Variants in CPA6 observed in about 807,000 individuals in gnomAD.
CPA6 encodes the protein carboxypeptidase B.
CPA6 carries 58 observed loss-of-function variants against 63.3 expected under a neutral mutation model. The ratio of observed to expected loss-of-function variants is 0.92; its 90% CI spans 0.74 to 1.14. The LOEUF (loss-of-function observed/expected upper bound fraction) is 1.14. Ranked by LOEUF, CPA6 falls within the 50% of genes most tolerant of loss-of-function variation. CPA6 has a pLI of 0.00. For missense variants in CPA6, 565 were observed against 526.6 expected, an observed-to-expected ratio of 1.07 and a Z score of -0.71; for synonymous variants, 185 against 179.0, an observed-to-expected ratio of 1.03 and a Z score of -0.27.
At chr8:67,636,682 A>C (rs929947633) in intron 1 of CPA6, among the ~76,000 whole-genome samples, 13 of 151,658 alleles carry the variant, frequency 8.6e-5, no homozygotes, top group Non-Finnish European at 1.8e-4. Flanking sequence ...GACAGTTTAA[A>C]ATATTTGCTG....
chr8:67,705,723 A>G (rs990156484), intron 1 of CPA6, among the ~76,000 whole-genome samples: 1 of 152,198 alleles, frequency 6.6e-6, no homozygotes, highest in African/African-American at 2.4e-5. Context: ...GGTCAGTCCT[A>G]ACTCAGGGGT....
intron 2 of CPA6, among the ~76,000 whole-genome samples, chr8:67,578,785 C>A (rs1258464270): frequency 6.6e-6 from 1 of 152,156 alleles, no homozygotes; most frequent in Non-Finnish European, 1.5e-5. Context: ...TTTTCATTAA[C>A]TTAAGTTCAG....
intron 1 of CPA6, among the ~76,000 whole-genome samples, chr8:67,688,994 T>TATTATTA (rs201709532): frequency 7.0e-4 from 107 of 151,878 alleles, no homozygotes; most frequent in Middle Eastern, 6.8e-3. Flanking sequence ...TTATTATTAT[T>TATTATTA]TTTTAGATGG....
At chr8:67,450,624 T>C (rs1293363939) in intron 8 of CPA6, among the ~76,000 whole-genome samples, 3 of 152,240 alleles carry the variant, frequency 2.0e-5, no homozygotes, top group Non-Finnish European at 4.4e-5. Flanking sequence ...ACCAGTGCTA[T>C]TGTTCCTTTC....
At chr8:67,590,158 C>T (rs1295766628) in intron 2 of CPA6, among the ~76,000 whole-genome samples, 1 of 151,886 alleles carries the variant, frequency 6.6e-6, no homozygotes, top group Non-Finnish European at 1.5e-5. Context: ...TTTGTCCTTG[C>T]CATAGTTTAC....
At chr8:67,653,181 T>C (rs1815890063) in intron 1 of CPA6, among the ~76,000 whole-genome samples, 1 of 151,048 alleles carries the variant, frequency 6.6e-6, no homozygotes, top group African/African-American at 2.4e-5. Flanking sequence ...GTGTGATGCC[T>C]CCAGCTTTGT....
chr8:67,612,155 G>T (rs1387943499), intron 2 of CPA6, among the ~76,000 whole-genome samples: 1 of 152,108 alleles, frequency 6.6e-6, no homozygotes, highest in Non-Finnish European at 1.5e-5. Flanking sequence ...CCCTGGATAT[G>T]GTGGCTGAAG....
intron 2 of CPA6, among the ~76,000 whole-genome samples, chr8:67,577,536 G>A (rs1813658833): frequency 6.6e-6 from 1 of 152,082 alleles, no homozygotes; most frequent in Non-Finnish European, 1.5e-5. Context: ...CGAAGCGTAA[G>A]AAAGATGGCT....
At chr8:67,573,816 C>T (rs897500405) in intron 2 of CPA6, among the ~76,000 whole-genome samples, 7 of 137,486 alleles carry the variant, frequency 5.1e-5, no homozygotes, top group Admixed American at 8.0e-5. Context: ...GGCATGAACC[C>T]GGGAGGCAGA....
intron 1 of CPA6, among the ~76,000 whole-genome samples, chr8:67,662,890 C>T (rs1816148594): frequency 1.3e-5 from 2 of 152,066 alleles, no homozygotes; most frequent in Non-Finnish European, 2.9e-5. Context: ...TCTTAACAAC[C>T]TCAATTAGAG....
chr8:67,562,296 C>T (rs546778876), intron 2 of CPA6, among the ~76,000 whole-genome samples: 1 of 152,240 alleles, frequency 6.6e-6, no homozygotes, highest in East Asian at 1.9e-4. Context: ...CTCTCTAGGT[C>T]TCTGTCACTT....
intron 8 of CPA6, among the ~76,000 whole-genome samples, chr8:67,446,086 A>C (rs1810405568): frequency 6.6e-6 from 1 of 152,078 alleles, no homozygotes; most frequent in African/African-American, 2.4e-5. Flanking sequence ...AACACCGTGA[A>C]ACCCTGTCTC....
chr8:67,481,337 G>A (rs764675716), intron 8 of CPA6, among the ~76,000 whole-genome samples: 18 of 152,202 alleles, frequency 1.2e-4, no homozygotes, highest in Non-Finnish European at 2.5e-4. Flanking sequence ...AGAAATTTAT[G>A]CATTTATTCC....
intron 2 of CPA6, among the ~76,000 whole-genome samples, chr8:67,587,459 G>A (rs1323890516): frequency 6.6e-6 from 1 of 152,128 alleles, no homozygotes; most frequent in Admixed American, 6.5e-5. Flanking sequence ...ATAATAAATA[G>A]AATTATTCCA....
intron 2 of CPA6, among the ~76,000 whole-genome samples, chr8:67,565,681 A>G (rs1813321154): frequency 6.6e-6 from 1 of 152,154 alleles, no homozygotes; most frequent in South Asian, 2.1e-4. Context: ...TCCTTGCCAA[A>G]CTGTTTAGTT....
intron 2 of CPA6, among the ~76,000 whole-genome samples, chr8:67,549,491 C>T (rs1191426005): frequency 6.6e-6 from 1 of 152,172 alleles, no homozygotes; most frequent in African/African-American, 2.4e-5. Context: ...GACAAAAACA[C>T]TTAACATAAA....
intron 2 of CPA6, among the ~76,000 whole-genome samples, chr8:67,604,912 G>A (rs1232812781): frequency 6.6e-6 from 1 of 152,036 alleles, no homozygotes; most frequent in Non-Finnish European, 1.5e-5. Context: ...CAAGTAGCTG[G>A]GACTACAGGC....
chr8:67,475,871 CTTTCTTTCTCCTTTCTTTCTTTCTTT>C (rs1811201947), intron 8 of CPA6, among the ~76,000 whole-genome samples: 13 of 79,908 alleles, frequency 1.6e-4, no homozygotes, highest in Admixed American at 3.0e-4. Flanking sequence ...TTCTTTCTTT[CTTTCTTTCTCCTTTCTTTCTTTCTTT>C]CTTTCTTTCT....
chr8:67,724,221 T>C (rs1563409183), intron 1 of CPA6, among the ~76,000 whole-genome samples: 1 of 152,178 alleles, frequency 6.6e-6, no homozygotes, highest in Non-Finnish European at 1.5e-5. Context: ...TAGATGTCTC[T>C]CCTCCTACAT....
Sources: allele counts gnomAD v4.1 joint callset (sites outside exome capture counted in the v4.1 genomes callset), GRCh38; gene constraint gnomAD v4.1.1; transcripts MANE v1.5; gene names NCBI Gene and HGNC (gene_info 2026-07-23, HGNC 2026-07-21).